Variants in SYN3 observed in about 807,000 individuals in gnomAD.
The protein encoded by SYN3 is synapsin-3.
In SYN3, 35 loss-of-function variants were observed where a neutral mutation model predicts 65.8. The ratio of observed to expected loss-of-function variants is 0.53; its 90% CI spans 0.41 to 0.70. The LOEUF (loss-of-function observed/expected upper bound fraction) is 0.70, where lower values mean the gene tolerates loss of function less well. Among genes scored for constraint, SYN3 ranks in the 30% least tolerant of loss-of-function variants. SYN3 has a pLI of 0.00. For synonymous variants in SYN3, 270 were observed against 292.9 expected, an observed-to-expected ratio of 0.92 and a Z score of 0.80; for missense variants, 680 against 749.0, an observed-to-expected ratio of 0.91 and a Z score of 1.08.
chr22:33,025,799 T>C (rs571812946), intron 1 of SYN3, among the ~76,000 whole-genome samples: 54 of 152,336 alleles, frequency 3.5e-4, no homozygotes, highest in African/African-American at 1.3e-3. Flanking sequence ...GAGTTTTCAG[T>C]TCTCCCAGTA....
At chr22:32,597,133 T>G (rs1601721397) in intron 6 of SYN3, among the ~76,000 whole-genome samples, 2 of 152,102 alleles carry the variant, frequency 1.3e-5, no homozygotes, top group South Asian at 4.2e-4. Flanking sequence ...GAGGATTGAG[T>G]TATTACATGT....
chr22:32,977,200 C>A (rs931765806), intron 3 of SYN3, among the ~76,000 whole-genome samples: 4 of 152,128 alleles, frequency 2.6e-5, no homozygotes, highest in African/African-American at 9.7e-5. Flanking sequence ...GCCAAGGTTT[C>A]TCAGTGTGAT....
intron 7 of SYN3, among the ~76,000 whole-genome samples, chr22:32,568,675 A>T (rs2058704760): frequency 6.6e-6 from 1 of 151,824 alleles, no homozygotes; most frequent in African/African-American, 2.4e-5. Flanking sequence ...TGCCCTCATG[A>T]CCTCCCGAAG....
chr22:32,937,399 C>T (rs71313147), intron 3 of SYN3, among the ~76,000 whole-genome samples: 3 of 152,132 alleles, frequency 2.0e-5, no homozygotes, highest in Non-Finnish European at 2.9e-5. Flanking sequence ...CTACCTGAGC[C>T]TAGGTAGTCT....
At chr22:33,000,379 C>T (rs868691842) in intron 2 of SYN3, among the ~76,000 whole-genome samples, 4 of 152,140 alleles carry the variant, frequency 2.6e-5, no homozygotes, top group South Asian at 2.1e-4. Flanking sequence ...CCAGCAAAGA[C>T]GGCTTTGAGA....
chr22:32,813,193 T>C (rs1167003916), intron 6 of SYN3, among the ~76,000 whole-genome samples: 2 of 152,204 alleles, frequency 1.3e-5, no homozygotes, highest in Admixed American at 1.3e-4. Flanking sequence ...ATTCTCTTGG[T>C]TTCCATTTTG....
chr22:32,819,766 C>G (rs1468850028), intron 6 of SYN3, among the ~76,000 whole-genome samples: 1 of 152,174 alleles, frequency 6.6e-6, no homozygotes, highest in Non-Finnish European at 1.5e-5. Flanking sequence ...GATTCTGAAA[C>G]AGCAAACTTG....
chr22:32,883,968 A>G (rs1206171468), intron 4 of SYN3, among the ~76,000 whole-genome samples: 2 of 152,200 alleles, frequency 1.3e-5, no homozygotes, highest in African/African-American at 2.4e-5. Flanking sequence ...TGGCCAATCA[A>G]TGGCTGCTGG....
At chr22:32,916,510 A>C (rs1330165246) in intron 4 of SYN3, among the ~76,000 whole-genome samples, 1 of 152,234 alleles carries the variant, frequency 6.6e-6, no homozygotes, top group Non-Finnish European at 1.5e-5. Flanking sequence ...TGTTGCTAAA[A>C]TTTCCACATT....
chr22:32,873,051 GGC>G (rs2048892671), intron 4 of SYN3, among the ~76,000 whole-genome samples: 1 of 150,656 alleles, frequency 6.6e-6, no homozygotes, highest in South Asian at 2.1e-4. Flanking sequence ...CCCAGGTTCA[GGC>G]AGTTCTCCTG....
chr22:33,022,403 A>G (rs2053575719), intron 1 of SYN3, among the ~76,000 whole-genome samples: 2 of 152,310 alleles, frequency 1.3e-5, no homozygotes, highest in Non-Finnish European at 1.5e-5. Context: ...CAGGTCCAAC[A>G]TGCACCTGCT....
intron 6 of SYN3, among the ~76,000 whole-genome samples, chr22:32,677,813 T>A (rs2060467861): frequency 1.4e-5 from 2 of 142,952 alleles, no homozygotes; most frequent in Non-Finnish European, 3.2e-5. Flanking sequence ...AAAAAAAAAA[T>A]AATCATAATA....
chr22:32,925,002 G>A (rs2050430896), intron 4 of SYN3, among the ~76,000 whole-genome samples: 1 of 152,172 alleles, frequency 6.6e-6, no homozygotes, highest in Non-Finnish European at 1.5e-5. Flanking sequence ...TGAGGTGGGT[G>A]GACCGCTTGA....
chr22:32,529,525 G>A (rs958034728), intron 10 of SYN3, among the ~76,000 whole-genome samples: 1 of 152,318 alleles, frequency 6.6e-6, no homozygotes, highest in Non-Finnish European at 1.5e-5. Context: ...AAACACAGGC[G>A]GGAGGGAAAA....
intron 4 of SYN3, among the ~76,000 whole-genome samples, chr22:32,925,866 CT>C (rs34649323): frequency 9.8e-5 from 13 of 132,676 alleles, no homozygotes; most frequent in South Asian, 2.4e-4. Context: ...GATAGTTGTT[CT>C]TTTTTTTTTT....
chr22:32,741,697 C>A (rs2061408823), intron 6 of SYN3, among the ~76,000 whole-genome samples: 1 of 151,992 alleles, frequency 6.6e-6, no homozygotes, highest in Non-Finnish European at 1.5e-5. Context: ...CCAATCTGTG[C>A]CTTTCCTCAT....
intron 6 of SYN3, among the ~76,000 whole-genome samples, chr22:32,757,060 G>GC (rs970746939): frequency 1.3e-5 from 2 of 150,808 alleles, no homozygotes; most frequent in South Asian, 4.2e-4. Context: ...TTTTTTTTGA[G>GC]GGGGGGTGGT....
intron 2 of SYN3, among the ~76,000 whole-genome samples, chr22:33,004,305 T>A (rs979918953): frequency 6.6e-6 from 1 of 152,156 alleles, no homozygotes; most frequent in Non-Finnish European, 1.5e-5. Context: ...ACTGTGAGCC[T>A]GGAAAAGACA....
chr22:32,673,563 A>G (rs1036682634), intron 6 of SYN3, among the ~76,000 whole-genome samples: 2 of 152,228 alleles, frequency 1.3e-5, no homozygotes, highest in African/African-American at 4.8e-5. Flanking sequence ...TGATAGTGGA[A>G]GGTTGGCAGC....
Sources: allele counts gnomAD v4.1 joint callset (sites outside exome capture counted in the v4.1 genomes callset), GRCh38; gene constraint gnomAD v4.1.1; transcripts MANE v1.5; gene names NCBI Gene and HGNC (gene_info 2026-07-23, HGNC 2026-07-21).